Variants in OTULIN observed in about 807,000 individuals in gnomAD.
OTULIN encodes the protein OTU deubiquitinase with linear linkage specificity, also known as ubiquitin thioesterase otulin.
A neutral mutation model predicts 39.6 loss-of-function variants in OTULIN; 15 were observed. That is an observed-to-expected ratio of 0.38 (90% CI 0.25 to 0.58). OTULIN has a LOEUF of 0.58. Ranked by LOEUF, OTULIN falls within the 20% of genes least tolerant of loss-of-function variation. The pLI, the probability that OTULIN is intolerant of heterozygous loss-of-function variation, is 0.66. For synonymous variants in OTULIN, 156 were observed against 170.3 expected (o/e 0.92, Z 0.65); for missense variants, 319 against 445.9 (o/e 0.72, Z 2.56).
chr5:14,672,466 T>G (rs1443872350), intron 1 of OTULIN, among the ~76,000 whole-genome samples: 1 of 152,004 alleles, frequency 6.6e-6, no homozygotes, highest in African/African-American at 2.4e-5. Flanking sequence ...ATGAGGGAAT[T>G]GGGGGTAGGG....
intron 1 of OTULIN, among the ~76,000 whole-genome samples, chr5:14,669,145 C>A (rs1405272314): frequency 1.3e-5 from 2 of 151,988 alleles, no homozygotes; most frequent in Non-Finnish European, 2.9e-5. Flanking sequence ...AGGCAGATCA[C>A]CTCAGAGTCA....
the OTULIN span, chr5:14,711,260 C>G: frequency 6.2e-7 from 1 of 1,614,184 alleles, no homozygotes; most frequent in South Asian, 1.1e-5. Context: ...GCATGTCTGT[C>G]ATGGCAGAGT....
At chr5:14,681,745 C>A in intron 4 of OTULIN, 138 bp downstream of exon 4, 1 of 1,022,218 alleles carries the variant, frequency 9.8e-7, no homozygotes, top group Non-Finnish European at 1.3e-6. Context: ...TTTTGTGTGG[C>A]TGGGGTGATT....
rs1304673887 is a variant in OTULIN at position 14,669,703 on chromosome 5, C to T, written c.153-3939C>T. ...GGAAGACTGCTTGAGCCCAGGAGGT[C>T]GAAGCTGCAGTGAGCTGTGGTTGCA... On this transcript the variant is annotated intron_variant, in intron 1 of 6. Coordinates refer to ENST00000284274, the MANE Select transcript of OTULIN (RefSeq NM_138348.6). Among the ~76,000 whole-genome samples the T allele has an allele frequency of 3.9e-5, 6 of 152,126 alleles. No individual in the cohort carries two copies. The Middle Eastern group carries it at 0.01, about 259-fold the overall frequency.
rs1161365264 is a variant in OTULIN, at chr5:14,695,606, T to G, written c.*2558T>G. The G allele has an allele frequency of 6.6e-6, 1 of 152,234 alleles. No individual in the cohort carries two copies. The highest frequency in any genetic ancestry group is 1.5e-5 in the Non-Finnish European group (1 of 68,034). 9.4% of individuals were successfully genotyped at this position (152,234 alleles called of 1,614,324 possible). ...AGCTCATTTAAGGTGCATTTAAACCTAAAATAATTTCCCTGTATTATGCTT... is the reference window on the plus strand; with the variant it reads ...AGCTCATTTAAGGTGCATTTAAACCGAAAATAATTTCCCTGTATTATGCTT... On this transcript the variant is annotated 3_prime_UTR_variant, in exon 7 of 7. Coordinates refer to ENST00000284274, the MANE Select transcript of OTULIN (RefSeq NM_138348.6).
the OTULIN span, chr5:14,705,219 CA>C: frequency 6.6e-6 from 1 of 151,766 alleles, no homozygotes; most frequent in Non-Finnish European, 1.5e-5. Context: ...GTGAAACTGA[CA>C]AACCTATGGG....
At chr5:14,712,267 G>A in the OTULIN span, among the ~76,000 whole-genome samples, 6 of 152,190 alleles carry the variant, frequency 3.9e-5, no homozygotes, top group South Asian at 2.1e-4. Flanking sequence ...CTGCTGCCCC[G>A]GCCTGTTCAC....
At chr5:14,701,769 GTTC>G (rs1305545192), downstream of OTULIN, among the ~76,000 whole-genome samples, 3 of 152,126 alleles carry the variant, frequency 2.0e-5, no homozygotes, top group Non-Finnish European at 4.4e-5. Flanking sequence ...CTCTGGCTGG[GTTC>G]TTATTTTCTA....
At chr5:14,670,029 T>G (rs2126813496) in intron 1 of OTULIN, among the ~76,000 whole-genome samples, 1 of 152,386 alleles carries the variant, frequency 6.6e-6, no homozygotes, top group Admixed American at 6.5e-5. Flanking sequence ...TCTATCCAGC[T>G]GTAGTTTTAT....
intron 1 of OTULIN, among the ~76,000 whole-genome samples, chr5:14,667,372 T>C (rs1224831911): frequency 6.6e-6 from 1 of 152,228 alleles, no homozygotes; most frequent in Non-Finnish European, 1.5e-5. Flanking sequence ...ATGGATAAGC[T>C]ACATTGTTTT....
chr5:14,675,945 T>C (rs900083949), intron 2 of OTULIN, among the ~76,000 whole-genome samples: 1 of 152,268 alleles, frequency 6.6e-6, no homozygotes, highest in African/African-American at 2.4e-5. Flanking sequence ...TGAAACATAT[T>C]AATTTACATA....
Position 14,699,047 on chromosome 5 carries a change from TC to T in OTULIN, c.*6001del, listed in dbSNP as rs1307678178. 2.0e-5 allele frequency: 3 copies of T among 152,138 alleles called. No homozygotes were observed. Among genetic ancestry groups the T allele is most frequent in the Admixed American group, 2.0e-4 (3 of 15,274 alleles). 9.4% of individuals were successfully genotyped at this position (152,138 alleles called of 1,614,324 possible). ...GGTGCTAGCACTTATTAGGGGAAGA[TC>T]CTCCAGACCTGCAAAGCAGGGCTGC... On this transcript the variant is annotated 3_prime_UTR_variant, in exon 7 of 7. Transcript: ENST00000284274.
At chr5:14,678,814 T>C (rs1184103379) in intron 3 of OTULIN, 39 bp downstream of exon 3, 1 of 1,355,234 alleles carries the variant, frequency 7.4e-7, no homozygotes, top group Non-Finnish European at 1.0e-6. Context: ...GTCTTTCAAA[T>C]AGTCTATCAT....
At chr5:14,712,655 T>C in the OTULIN span, among the ~76,000 whole-genome samples, 2 of 152,246 alleles carry the variant, frequency 1.3e-5, no homozygotes, top group Non-Finnish European at 2.9e-5. Flanking sequence ...CGCAAAACTC[T>C]TCAAAGGGAC....
At chr5:14,715,885 G>A in the OTULIN span, among the ~76,000 whole-genome samples, 3 of 152,196 alleles carry the variant, frequency 2.0e-5, no homozygotes, top group Admixed American at 6.5e-5. Flanking sequence ...TCAGCCATGG[G>A]CAGTTTCTTT....
rs558152030 is a variant in OTULIN, at chr5:14,672,428, A to G, written c.153-1214A>G. The stretch of plus-strand genomic sequence containing the variant: ...ACTTCTTCCTCTTTCCCCCAGCTGT[A>G]CTAGGCCATATACCAGGAGCTGGGG... On this transcript the variant is annotated intron_variant, in intron 1 of 6. Coordinates refer to ENST00000284274, the MANE Select transcript of OTULIN (RefSeq NM_138348.6). Among the ~76,000 whole-genome samples the G allele has an allele frequency of 2.0e-5, 3 of 151,998 alleles. No individual in the cohort carries two copies. The East Asian group carries it at 5.8e-4, about 29-fold the overall frequency.
chr5:14,710,915 T>G, the OTULIN span: 1 of 421,908 alleles, frequency 2.4e-6, no homozygotes, highest in East Asian at 5.5e-5. Context: ...ACGTCAACCG[T>G]GAGGCAGCTG....
In OTULIN at chr5:14,681,979, T is replaced by G. The variant is rs137908244; in HGVS notation, c.468+372T>G. ...CATTTCTTTAGTTTTTAGCTATAAT[T>G]CAATAAATTAGTACTTTTGGCTAAG... On this transcript the variant is annotated intron_variant, in intron 4 of 6. Coordinates refer to ENST00000284274, the MANE Select transcript of OTULIN (RefSeq NM_138348.6). 2.4e-3 allele frequency among the ~76,000 whole-genome samples: 372 copies of G among 152,386 alleles called. 3 individuals are homozygous for G. The highest frequency in any genetic ancestry group is 8.5e-3 in the African/African-American group (352 of 41,588).
chr5:14,667,190 A>G (rs1185048535), intron 1 of OTULIN, among the ~76,000 whole-genome samples: 2 of 152,190 alleles, frequency 1.3e-5, no homozygotes, highest in Admixed American at 6.5e-5. Flanking sequence ...TCATAGCCCA[A>G]CTTCTGCAGC....
Sources: gnomAD v4.1 joint callset for allele counts (sites outside exome capture counted in the v4.1 genomes callset) on GRCh38, gnomAD v4.1.1 for gene constraint, MANE v1.5 for transcripts, NCBI Gene and HGNC (gene_info 2026-07-23, HGNC 2026-07-21) for gene names.